RYR2: variants seen among roughly 807,000 people sequenced by gnomAD.
RYR2 encodes the protein ryanodine receptor 2.
In RYR2, 227 loss-of-function variants were observed where a neutral mutation model predicts 601.1. The ratio of observed to expected loss-of-function variants is 0.38; its 90% CI spans 0.34 to 0.42. The LOEUF (loss-of-function observed/expected upper bound fraction) is 0.42, where lower values mean the gene tolerates loss of function less well. RYR2 is among the 10% of genes least tolerant of loss of function. The pLI is 1.00. For missense variants in RYR2, 4,646 were observed against 6,156.5 expected (o/e 0.75, Z 8.21); for synonymous variants, 2,223 against 2,175.1 (o/e 1.02, Z -0.61).
chr1:237,284,936 C>G (rs1450606355), intron 2 of RYR2, among the ~76,000 whole-genome samples: 1 of 151,960 alleles, frequency 6.6e-6, no homozygotes, highest in Non-Finnish European at 1.5e-5. Flanking sequence ...CTGGAGGAGT[C>G]CTTAGGGTTT....
intron 101 of RYR2, among the ~76,000 whole-genome samples, chr1:237,826,465 T>C (rs898977316): frequency 6.6e-6 from 1 of 152,020 alleles, no homozygotes; most frequent in African/African-American, 2.4e-5. Flanking sequence ...AGTTAAACAA[T>C]GGTAACACAT....
At chr1:237,536,738 T>G (rs1444673338) in intron 25 of RYR2, among the ~76,000 whole-genome samples, 9 of 62,280 alleles carry the variant, frequency 1.4e-4, no homozygotes, top group Non-Finnish European at 2.0e-4. Flanking sequence ...AAAAAAAAAT[T>G]AGCCGGGCAT....
intron 1 of RYR2, among the ~76,000 whole-genome samples, chr1:237,234,015 G>C (rs1232838507): frequency 1.3e-5 from 2 of 152,108 alleles, no homozygotes; most frequent in Non-Finnish European, 2.9e-5. Context: ...AATTAGTCAA[G>C]GGTCAAATTT....
chr1:237,714,034 T>G (rs139994865), intron 71 of RYR2, among the ~76,000 whole-genome samples: 2 of 152,232 alleles, frequency 1.3e-5, no homozygotes, highest in East Asian at 3.9e-4. Flanking sequence ...TACAACCAAT[T>G]AAAACTGTGC....
At chr1:237,761,806 A>G (rs1425767026) in intron 84 of RYR2, among the ~76,000 whole-genome samples, 1 of 151,842 alleles carries the variant, frequency 6.6e-6, no homozygotes, top group Non-Finnish European at 1.5e-5. Context: ...CCGTATGTTT[A>G]TCTGTTTTTG....
chr1:237,648,832 C>G (rs1302658754), intron 49 of RYR2, among the ~76,000 whole-genome samples: 3 of 152,064 alleles, frequency 2.0e-5, no homozygotes, highest in African/African-American at 7.2e-5. Flanking sequence ...TTCCCACTGA[C>G]CAAAAAGAAT....
chr1:237,464,917 T>A (rs558438962), intron 16 of RYR2, among the ~76,000 whole-genome samples: 3 of 152,354 alleles, frequency 2.0e-5, no homozygotes, highest in African/African-American at 7.2e-5. Context: ...TTTGCTGTTA[T>A]AAAGAGTGCT....
At chr1:237,395,303 T>A (rs1702723935) in intron 10 of RYR2, among the ~76,000 whole-genome samples, 1 of 152,198 alleles carries the variant, frequency 6.6e-6, no homozygotes, top group African/African-American at 2.4e-5. Context: ...CCTTTGATTT[T>A]GAAGGATATT....
intron 17 of RYR2, among the ~76,000 whole-genome samples, chr1:237,485,400 A>G (rs1662576868): frequency 6.6e-6 from 1 of 152,322 alleles, no homozygotes; most frequent in South Asian, 2.1e-4. Flanking sequence ...AATTAAATCA[A>G]TATCTGCTCT....
chr1:237,296,827 CT>C (rs1052554752), intron 2 of RYR2, among the ~76,000 whole-genome samples: 12 of 152,270 alleles, frequency 7.9e-5, no homozygotes, highest in African/African-American at 2.9e-4. Flanking sequence ...AAAGCAGACA[CT>C]TTTTTGAGTC....
chr1:237,295,731 C>A (rs1393369584), intron 2 of RYR2, among the ~76,000 whole-genome samples: 1 of 152,062 alleles, frequency 6.6e-6, no homozygotes, highest in Admixed American at 6.5e-5. Flanking sequence ...TATGTGATAG[C>A]TTTCTATAAA....
intron 35 of RYR2, among the ~76,000 whole-genome samples, chr1:237,609,879 A>AG (rs1474027855): frequency 1.3e-5 from 2 of 152,166 alleles, no homozygotes; most frequent in African/African-American, 4.8e-5. Flanking sequence ...ATATGAGGGC[A>AG]GGGGTTTTGT....
At chr1:237,221,436 CTG>C (rs1683791973) in intron 1 of RYR2, among the ~76,000 whole-genome samples, 1 of 152,086 alleles carries the variant, frequency 6.6e-6, no homozygotes, top group Non-Finnish European at 1.5e-5. Context: ...ATTTATTTAA[CTG>C]TGTTTTGGTC....
chr1:237,268,151 TTTAG>T (rs1413852834), intron 1 of RYR2, among the ~76,000 whole-genome samples: 12 of 152,284 alleles, frequency 7.9e-5, no homozygotes, highest in East Asian at 5.8e-4. Context: ...CCAAACTGTC[TTTAG>T]TTAGTTATTA....
chr1:237,560,047 A>G (rs1235207465), intron 27 of RYR2, among the ~76,000 whole-genome samples: 1 of 152,232 alleles, frequency 6.6e-6, no homozygotes, highest in Non-Finnish European at 1.5e-5. Flanking sequence ...CAACCAGGCA[A>G]TTTATAATTT....
At chr1:237,595,767 GC>G in intron 34 of RYR2, 110 bp downstream of exon 34, 3 of 1,308,494 alleles carry the variant, frequency 2.3e-6, no homozygotes, top group Non-Finnish European at 3.0e-6. Context: ...ATGTACATGT[GC>G]CCCTGGTCTG....
At chr1:237,789,337 G>T (rs113675540) in intron 92 of RYR2, among the ~76,000 whole-genome samples, 14,092 of 152,078 alleles carry the variant, frequency 0.093, 2,095 homozygotes, top group African/African-American at 0.31. Context: ...TTTAAACATG[G>T]TTATGTATTA....
At position 237,770,820 on chromosome 1, in the gene RYR2, G is replaced by T. The variant is rs1694209923; in HGVS notation, c.11490G>T (p.Leu3830=). ...GATTTCCCACAGGAGAAAAGGTTCT[G>T]CAGGACGATGAGTTCACCTGTGACC... The part of the protein sequence containing the change: ...VTEEGSGEKV[L]QDDEFTCDLF... Residue 3830 remains leucine (L), a synonymous_variant, in exon 85 of 105, where the codon CTG becomes CTT. Transcript: ENST00000366574. 6.4e-7 allele frequency: 1 copy of T among 1,553,072 alleles called. No individual in the cohort carries two copies. Among genetic ancestry groups the T allele is most frequent in the Non-Finnish European group, 8.7e-7 (1 of 1,146,930 alleles).
chr1:237,806,914 A>C (rs1390373620), intron 99 of RYR2, among the ~76,000 whole-genome samples: 3 of 152,208 alleles, frequency 2.0e-5, no homozygotes, highest in Admixed American at 1.3e-4. Context: ...ATATTGCAGA[A>C]GTGTGCACTG....
Sources: allele counts gnomAD v4.1 joint callset (sites outside exome capture counted in the v4.1 genomes callset), GRCh38; gene constraint gnomAD v4.1.1; transcripts MANE v1.5; gene names NCBI Gene and HGNC (gene_info 2026-07-23, HGNC 2026-07-21).